Variants in SCFD2 observed in about 807,000 individuals in gnomAD.
The protein encoded by SCFD2 is sec1 family domain containing 2.
Under a neutral mutation model 58.9 loss-of-function variants are expected in SCFD2, and 54 were observed. That is an observed-to-expected ratio of 0.92 (90% CI 0.74 to 1.15). SCFD2 has a LOEUF of 1.15. Among genes scored for constraint, SCFD2 ranks in the 50% most tolerant of loss-of-function variants. SCFD2 has a pLI of 0.00. For missense variants in SCFD2, 805 were observed against 836.6 expected (o/e 0.96, Z 0.47); for synonymous variants, 321 against 335.9 (o/e 0.96, Z 0.49).
intron 4 of SCFD2, among the ~76,000 whole-genome samples, chr4:53,162,819 C>T (rs7683264): frequency 1 from 150,845 of 151,528 alleles, 75,083 homozygotes; most frequent in Middle Eastern, 1. Context: ...CTGCACATTG[C>T]GCACATGTAC....
At chr4:53,311,517 C>T (rs1732688204) in intron 3 of SCFD2, among the ~76,000 whole-genome samples, 1 of 151,974 alleles carries the variant, frequency 6.6e-6, no homozygotes, top group Non-Finnish European at 1.5e-5. Flanking sequence ...TTTAAGAGTC[C>T]TGAATCGAGC....
intron 5 of SCFD2, among the ~76,000 whole-genome samples, chr4:53,127,483 C>T (rs1454124554): frequency 6.6e-6 from 1 of 152,136 alleles, no homozygotes; most frequent in Non-Finnish European, 1.5e-5. Context: ...AGTTTATGAT[C>T]CTGGAGGGAA....
At chr4:53,334,002 G>A (rs1231863884) in intron 2 of SCFD2, among the ~76,000 whole-genome samples, 1 of 151,340 alleles carries the variant, frequency 6.6e-6, no homozygotes, top group Non-Finnish European at 1.5e-5. Context: ...ATGAAAAAAT[G>A]CTCATTATCA....
chr4:53,249,985 C>A (rs903284602), intron 4 of SCFD2, among the ~76,000 whole-genome samples: 22 of 152,234 alleles, frequency 1.4e-4, no homozygotes, highest in African/African-American at 3.9e-4. Flanking sequence ...TAAATGCTCC[C>A]ATTAAAAGAC....
intron 4 of SCFD2, among the ~76,000 whole-genome samples, chr4:53,250,570 A>G (rs1560411569): frequency 6.6e-6 from 1 of 152,264 alleles, no homozygotes; most frequent in Non-Finnish European, 1.5e-5. Context: ...AAATCAAACT[A>G]GAACTCAGGA....
chr4:53,296,643 T>C (rs567367484), intron 3 of SCFD2, among the ~76,000 whole-genome samples: 1 of 152,302 alleles, frequency 6.6e-6, no homozygotes, highest in African/African-American at 2.4e-5. Context: ...TCTCCTTCAG[T>C]TCTGCTCGAT....
At chr4:53,029,579 G>A (rs1722565141) in intron 5 of SCFD2, among the ~76,000 whole-genome samples, 1 of 152,136 alleles carries the variant, frequency 6.6e-6, no homozygotes, top group Non-Finnish European at 1.5e-5. Flanking sequence ...GGTCTAAAGG[G>A]GTTTGGGAAC....
At chr4:53,050,095 T>A (rs559802814) in intron 5 of SCFD2, among the ~76,000 whole-genome samples, 2 of 152,170 alleles carry the variant, frequency 1.3e-5, no homozygotes, top group South Asian at 2.1e-4. Context: ...GGTAGTCATA[T>A]AATGGAGGTA....
intron 4 of SCFD2, among the ~76,000 whole-genome samples, chr4:53,234,651 G>C (rs1334304787): frequency 6.6e-6 from 1 of 152,170 alleles, no homozygotes; most frequent in African/African-American, 2.4e-5. Context: ...ACCAAAGTAA[G>C]TGAAATATTC....
At chr4:52,962,173 C>T (rs960497664) in intron 5 of SCFD2, among the ~76,000 whole-genome samples, 6 of 152,164 alleles carry the variant, frequency 3.9e-5, no homozygotes, top group African/African-American at 7.2e-5. Flanking sequence ...ATGGGTTGGA[C>T]AAGACAAGCT....
intron 4 of SCFD2, among the ~76,000 whole-genome samples, chr4:53,155,554 G>C (rs970662645): frequency 1.3e-5 from 2 of 152,150 alleles, no homozygotes; most frequent in Non-Finnish European, 1.5e-5. Flanking sequence ...GGCTCAATAC[G>C]TACTTGCTGA....
Position 53,057,526 on chromosome 4 carries a change from GAAC to G in SCFD2, c.1561+87804_1561+87806del, listed in dbSNP as rs762848527. ...TGAGAACACATGGACACAGAGAGGG[GAAC>G]AACACACACCACGGCCTGTTGAGGG... is the stretch of plus-strand genomic sequence containing the variant. On this transcript the variant is annotated intron_variant, in intron 5 of 8. Transcript: ENST00000401642. 1.6e-3 allele frequency among the ~76,000 whole-genome samples: 241 copies of G among 151,884 alleles called. 1 individual carries two copies. The highest frequency in any genetic ancestry group is 3.3e-3 in the Admixed American group (51 of 15,274).
At chr4:53,177,227 A>G (rs1237879037) in intron 4 of SCFD2, among the ~76,000 whole-genome samples, 1 of 152,230 alleles carries the variant, frequency 6.6e-6, no homozygotes, top group Non-Finnish European at 1.5e-5. Context: ...GGATAGAATC[A>G]TATAAGCAGA....
chr4:52,879,057 T>G (rs1407854686), intron 8 of SCFD2, among the ~76,000 whole-genome samples: 1 of 152,076 alleles, frequency 6.6e-6, no homozygotes, highest in Non-Finnish European at 1.5e-5. Flanking sequence ...GGCCTGAGTG[T>G]CATTCAGGGC....
intron 5 of SCFD2, among the ~76,000 whole-genome samples, chr4:53,060,368 T>C (rs778661996): frequency 1.3e-5 from 2 of 152,124 alleles, no homozygotes; most frequent in Non-Finnish European, 2.9e-5. Flanking sequence ...TGTGGATATG[T>C]GGCATCATCT....
At chr4:52,956,135 G>A (rs928359446) in intron 5 of SCFD2, 11 of 456,558 alleles carry the variant, frequency 2.4e-5, no homozygotes, top group African/African-American at 2.0e-4. Context: ...CACAGCCAGA[G>A]CTCTAAATCT....
chr4:53,158,808 T>C (rs2148925066), intron 4 of SCFD2, among the ~76,000 whole-genome samples: 1 of 152,350 alleles, frequency 6.6e-6, no homozygotes, highest in East Asian at 1.9e-4. Context: ...CAGATTACAA[T>C]TAAACTTTAC....
At chr4:52,925,236 T>C (rs1056370406) in intron 5 of SCFD2, among the ~76,000 whole-genome samples, 33 of 151,548 alleles carry the variant, frequency 2.2e-4, no homozygotes, top group African/African-American at 7.8e-4. Flanking sequence ...CTGCTGTCTT[T>C]CATATCTGCT....
chr4:53,055,890 C>T (rs1450129855), intron 5 of SCFD2, among the ~76,000 whole-genome samples: 1 of 152,068 alleles, frequency 6.6e-6, no homozygotes, highest in Admixed American at 6.6e-5. Context: ...AAAATGAGCT[C>T]GCTGGCCAGA....
Sources: gnomAD v4.1 joint callset for allele counts (sites outside exome capture counted in the v4.1 genomes callset) on GRCh38, gnomAD v4.1.1 for gene constraint, MANE v1.5 for transcripts, NCBI Gene and HGNC (gene_info 2026-07-23, HGNC 2026-07-21) for gene names.